CELA3B: variants seen among roughly 807,000 people sequenced by gnomAD.
The protein encoded by CELA3B is chymotrypsin-like elastase family member 3B.
A neutral mutation model predicts 37.2 loss-of-function variants in CELA3B; 34 were observed. The observed-to-expected ratio is 0.91, with a 90% CI of 0.70 to 1.22. The LOEUF is 1.22. Among genes scored for constraint, CELA3B ranks in the 50% most tolerant of loss-of-function variants. The pLI, the probability that CELA3B is intolerant of heterozygous loss-of-function variation, is 0.00. For synonymous variants in CELA3B, 127 were observed against 143.5 expected (o/e 0.89, Z 0.82); for missense variants, 340 against 363.1 (o/e 0.94, Z 0.52).
chr1:21,981,933 G>A (rs542910283), intron 4 of CELA3B, among the ~76,000 whole-genome samples: 2 of 151,988 alleles, frequency 1.3e-5, no homozygotes, highest in South Asian at 4.1e-4. Flanking sequence ...CACCGTGTTA[G>A]CCAGGATGAT....
At chr1:21,984,522 C>T (rs1337522039) in intron 6 of CELA3B, among the ~76,000 whole-genome samples, 191 bp downstream of exon 6, 1 of 152,014 alleles carries the variant, frequency 6.6e-6, no homozygotes, top group Non-Finnish European at 1.5e-5. Context: ...CCCCGGGTTG[C>T]AGTCTCAGCT....
intron 7 of CELA3B, chr1:21,987,858 A>C (rs1157470514): frequency 6.6e-6 from 1 of 151,594 alleles, no homozygotes; most frequent in Non-Finnish European, 1.5e-5. Flanking sequence ...GGAATGATAT[A>C]GAGATTAGCA....
downstream of CELA3B, among the ~76,000 whole-genome samples, chr1:21,991,481 G>A (rs531350897): frequency 4.6e-5 from 7 of 150,806 alleles, no homozygotes; most frequent in African/African-American, 1.2e-4. Flanking sequence ...GACTACAGGC[G>A]CATGCCACCA....
intron 6 of CELA3B, 84 bp from the exon 7 acceptor site, chr1:21,986,447 G>T: frequency 3.9e-6 from 6 of 1,551,342 alleles, no homozygotes; most frequent in Non-Finnish European, 3.5e-6. Flanking sequence ...TAATGTCGGA[G>T]TTTCTCGAAA....
chr1:21,993,289 C>T (rs1251506761), downstream of CELA3B, among the ~76,000 whole-genome samples: 24 of 150,760 alleles, frequency 1.6e-4, no homozygotes, highest in African/African-American at 5.7e-4. Context: ...GGCGAAATCC[C>T]GTCTCTAATA....
At chr1:21,991,755 A>G (rs1031642502), downstream of CELA3B, among the ~76,000 whole-genome samples, 6 of 151,344 alleles carry the variant, frequency 4.0e-5, 1 homozygote, top group African/African-American at 1.5e-4. Flanking sequence ...AGGCACTCCA[A>G]AGGAGGAGGG....
At chr1:21,998,016 G>A in intron 4 of CELA3B, 1 of 401,538 alleles carries the variant, frequency 2.5e-6, no homozygotes, top group Non-Finnish European at 5.2e-6. Flanking sequence ...TGTAGTTAAG[G>A]AAAAGCTAAT....
rs779367383 is a variant in CELA3B at position 21,983,720 on chromosome 1, C to T, written c.389C>T (p.Ser130Leu). ...AATGACATCGCCCTCATCAAGCTCT[C>T]ACGCAGCGCCCAGCTGGGAGACGCC... ...CGNDIALIKLSRSAQLGDAVQ... is the reference protein window; with the variant it reads ...CGNDIALIKLLRSAQLGDAVQ... Residue 130 changes from serine (S) to leucine (L), a missense_variant, in exon 5 of 8, where the codon TCA becomes TTA. Physicochemically the swap from Ser to Leu is moderately radical, Grantham distance 145. Transcript: ENST00000337107. 2 of 1,614,120 alleles carry T rather than the reference C, an allele frequency of 1.2e-6. No homozygotes were observed. The highest frequency in any genetic ancestry group is 1.7e-5 in the Admixed American group (1 of 60,006).
At chr1:21,977,603 T>C (rs190924339) in intron 1 of CELA3B, among the ~76,000 whole-genome samples, 2 of 152,330 alleles carry the variant, frequency 1.3e-5, no homozygotes, top group East Asian at 3.9e-4. Context: ...CCTTATACTT[T>C]CTCATGTAAT....
At position 21,979,448 on chromosome 1, in the gene CELA3B, C is replaced by CTTT. The variant is rs796330030; in HGVS notation, c.129+996_129+998dup. Among the ~76,000 whole-genome samples, 54 of 108,594 alleles carry CTTT rather than the reference C, an allele frequency of 5.0e-4. 1 individual carries two copies. Among genetic ancestry groups the CTTT allele is most frequent in the East Asian group, 1.3e-3 (4 of 3,098 alleles). 71.2% of individuals were successfully genotyped at this position (108,594 alleles called of 152,430 possible). On this transcript the variant is annotated intron_variant, in intron 2 of 7. Coordinates refer to ENST00000337107, the MANE Select transcript of CELA3B (RefSeq NM_007352.4). The stretch of plus-strand genomic sequence containing the variant: ...CATATTTCTTTTTTTCTTTTCTTTT[C>CTTT]TTTTCTTTTTTTTTTTTTTTTTGAG...
chr1:21,983,622 G>A (rs1644818483), intron 4 of CELA3B, 72 bp from the exon 5 acceptor site: 1 of 1,587,562 alleles, frequency 6.3e-7, no homozygotes. Context: ...GGAATAGCCT[G>A]GAGCAACGGC....
intron 2 of CELA3B, among the ~76,000 whole-genome samples, chr1:21,980,558 A>T (rs1339798886): frequency 6.9e-6 from 1 of 144,902 alleles, no homozygotes; most frequent in African/African-American, 2.5e-5. Flanking sequence ...CAGAAGGTAG[A>T]GAATGTTGGG....
chr1:21,979,673 C>T (rs1003026701), intron 2 of CELA3B, among the ~76,000 whole-genome samples: 3 of 150,978 alleles, frequency 2.0e-5, no homozygotes, highest in East Asian at 2.0e-4. Flanking sequence ...AGGCTTGCCT[C>T]GAACTTCTGA....
intron 2 of CELA3B, among the ~76,000 whole-genome samples, chr1:21,979,548 G>GAA (rs1644792581): frequency 6.8e-6 from 1 of 146,986 alleles, no homozygotes; most frequent in African/African-American, 2.5e-5. Context: ...GACCTCCTAG[G>GAA]TCCAAGCAAT....
At chr1:21,979,741 AC>A (rs1243499652) in intron 2 of CELA3B, among the ~76,000 whole-genome samples, 2 of 151,398 alleles carry the variant, frequency 1.3e-5, no homozygotes, top group East Asian at 3.9e-4. Context: ...GGCGTGAGCC[AC>A]CATGCTTGGC....
intron 4 of CELA3B, among the ~76,000 whole-genome samples, chr1:21,982,944 C>T (rs12128201): frequency 0.044 from 6,681 of 152,256 alleles, 312 homozygotes; most frequent in African/African-American, 0.12. Context: ...TTTAACAAGC[C>T]TCCAGGTGAT....
At chr1:21,997,346 A>G (rs1644894811) in intron 4 of CELA3B, among the ~76,000 whole-genome samples, 1 of 29,406 alleles carries the variant, frequency 3.4e-5, no homozygotes, top group Admixed American at 3.5e-4. Context: ...GGCACGACTC[A>G]TCTCAAAAAA....
chr1:21,993,603 G>A (rs1242999597), downstream of CELA3B, among the ~76,000 whole-genome samples: 5 of 150,376 alleles, frequency 3.3e-5, no homozygotes, highest in Non-Finnish European at 7.4e-5. Flanking sequence ...GAGTACAGTG[G>A]CCCCATCACT....
At chr1:21,984,925 C>T (rs112325137) in intron 6 of CELA3B, among the ~76,000 whole-genome samples, 3,379 of 151,610 alleles carry the variant, frequency 0.022, 61 homozygotes, top group Non-Finnish European at 0.033. Flanking sequence ...CCAGGCTGGG[C>T]GACAGAGTGA....
Sources: gnomAD v4.1 joint callset for allele counts (sites outside exome capture counted in the v4.1 genomes callset) on GRCh38, gnomAD v4.1.1 for gene constraint, MANE v1.5 for transcripts, NCBI Gene and HGNC (gene_info 2026-07-23, HGNC 2026-07-21) for gene names.